MACROD2: variants seen among roughly 807,000 people sequenced by gnomAD.
MACROD2 encodes the protein mono-ADP ribosylhydrolase 2.
Under a neutral mutation model 70.4 loss-of-function variants are expected in MACROD2, and 36 were observed. The ratio of observed to expected loss-of-function variants is 0.51; its 90% CI spans 0.39 to 0.68. The LOEUF (loss-of-function observed/expected upper bound fraction) is 0.68. Ranked by LOEUF, MACROD2 falls within the 30% of genes least tolerant of loss-of-function variation. MACROD2 has a pLI of 0.00. For missense variants in MACROD2, 496 were observed against 538.4 expected, an observed-to-expected ratio of 0.92 and a Z score of 0.78; for synonymous variants, 172 against 178.8, an observed-to-expected ratio of 0.96 and a Z score of 0.30.
At chr20:15,492,020 C>T (rs1185324847) in intron 7 of MACROD2, among the ~76,000 whole-genome samples, 1 of 152,214 alleles carries the variant, frequency 6.6e-6, no homozygotes, top group Admixed American at 6.5e-5. Flanking sequence ...CTACTAGGTG[C>T]CCCTTTGTGC....
intron 6 of MACROD2, among the ~76,000 whole-genome samples, chr20:15,388,629 C>T (rs532964893): frequency 1.3e-5 from 2 of 152,052 alleles, no homozygotes; most frequent in Non-Finnish European, 2.9e-5. Flanking sequence ...AGATCAGCAA[C>T]CCTAATTACC....
chr20:14,164,101 G>A (rs2055230392), intron 3 of MACROD2, among the ~76,000 whole-genome samples: 1 of 152,044 alleles, frequency 6.6e-6, no homozygotes, highest in South Asian at 2.1e-4. Context: ...GCTTTATAGG[G>A]GAGAACTTTT....
chr20:14,877,650 TTTTTG>T (rs977377825), intron 5 of MACROD2, among the ~76,000 whole-genome samples: 1 of 152,040 alleles, frequency 6.6e-6, no homozygotes, highest in Non-Finnish European at 1.5e-5. Context: ...TCTTGAGGTT[TTTTTG>T]TTTTGTTTTG....
intron 6 of MACROD2, among the ~76,000 whole-genome samples, chr20:15,318,562 A>G (rs1256229757): frequency 1.3e-5 from 2 of 152,146 alleles, no homozygotes; most frequent in South Asian, 2.1e-4. Context: ...TTATAGATGA[A>G]GAAATCCTCA....
intron 6 of MACROD2, among the ~76,000 whole-genome samples, chr20:15,230,621 T>C (rs1272921583): frequency 6.6e-6 from 1 of 152,186 alleles, no homozygotes; most frequent in Admixed American, 6.5e-5. Flanking sequence ...ATTCTGTAGG[T>C]GGTAGCTGGG....
intron 5 of MACROD2, among the ~76,000 whole-genome samples, chr20:15,102,035 C>T (rs1012977747): frequency 4.6e-5 from 7 of 151,752 alleles, no homozygotes; most frequent in African/African-American, 1.7e-4. Flanking sequence ...AGGTAAAGCA[C>T]AAACAAAATA....
At chr20:15,817,271 A>G (rs1205238735) in intron 8 of MACROD2, among the ~76,000 whole-genome samples, 2 of 152,206 alleles carry the variant, frequency 1.3e-5, no homozygotes, top group Non-Finnish European at 1.5e-5. Flanking sequence ...TCATCCCAAT[A>G]ATAAGTGACA....
At chr20:14,708,836 T>G (rs2071302754) in intron 5 of MACROD2, among the ~76,000 whole-genome samples, 1 of 152,088 alleles carries the variant, frequency 6.6e-6, no homozygotes, top group Non-Finnish European at 1.5e-5. Flanking sequence ...GCCAGGCTGG[T>G]CTCGAACTCC....
At chr20:15,169,691 A>G (rs1296934198) in intron 5 of MACROD2, among the ~76,000 whole-genome samples, 1 of 152,198 alleles carries the variant, frequency 6.6e-6, no homozygotes, top group Non-Finnish European at 1.5e-5. Context: ...CTGTTCCAGT[A>G]TATCTGTCTT....
chr20:15,376,290 A>C (rs887607892), intron 6 of MACROD2, among the ~76,000 whole-genome samples: 1 of 152,198 alleles, frequency 6.6e-6, no homozygotes, highest in African/African-American at 2.4e-5. Context: ...TATAAATATC[A>C]GCAGTGCAAG....
At chr20:15,703,033 G>T (rs1600781574) in intron 8 of MACROD2, among the ~76,000 whole-genome samples, 1 of 152,170 alleles carries the variant, frequency 6.6e-6, no homozygotes, top group Non-Finnish European at 1.5e-5. Flanking sequence ...ACAAAAATTA[G>T]CAATGGGGAA....
chr20:14,442,632 T>C lies in MACROD2; in HGVS notation c.272-50847T>C, dbSNP rs1393529330. Among the ~76,000 whole-genome samples, 4 of 152,086 alleles carry C rather than the reference T, an allele frequency of 2.6e-5. 1 individual carries two copies. Among genetic ancestry groups the C allele is most frequent in the African/African-American group, 7.3e-5 (3 of 41,362 alleles). ...GCCAGCTGCCTTCACACTGGATTCT[T>C]GCTGGAACTTTCACTCCCCAATTCC... is the stretch of plus-strand genomic sequence containing the variant. On this transcript the variant is annotated intron_variant, in intron 3 of 17. Coordinates refer to ENST00000684519, the MANE Select transcript of MACROD2 (RefSeq NM_001351661.2).
chr20:15,509,898 A>C (rs140084707), intron 8 of MACROD2, among the ~76,000 whole-genome samples: 1 of 152,226 alleles, frequency 6.6e-6, no homozygotes, highest in East Asian at 1.9e-4. Flanking sequence ...CCATGTCTTC[A>C]TAGCACAATC....
intron 8 of MACROD2, among the ~76,000 whole-genome samples, chr20:15,663,633 C>A (rs987548072): frequency 2.0e-5 from 3 of 150,800 alleles, no homozygotes; most frequent in Non-Finnish European, 4.4e-5. Context: ...AAAAAAAAAA[C>A]CGTGTCTGGG....
chr20:15,824,713 CT>C (rs2063978047), intron 8 of MACROD2, among the ~76,000 whole-genome samples: 1 of 152,174 alleles, frequency 6.6e-6, no homozygotes, highest in Non-Finnish European at 1.5e-5. Context: ...TATTTCAGCT[CT>C]CCCCCACCCA....
chr20:15,314,928 G>T (rs2077792826), intron 6 of MACROD2, among the ~76,000 whole-genome samples: 1 of 152,216 alleles, frequency 6.6e-6, no homozygotes, highest in Non-Finnish European at 1.5e-5. Flanking sequence ...ATCAACTCAT[G>T]CTGATTGCTA....
At chr20:14,911,855 A>G (rs1186096774) in intron 5 of MACROD2, among the ~76,000 whole-genome samples, 1 of 152,100 alleles carries the variant, frequency 6.6e-6, no homozygotes, top group Non-Finnish European at 1.5e-5. Context: ...CATTTTACAG[A>G]TGGGGAAACT....
At chr20:14,672,104 C>T (rs2070802263) in intron 4 of MACROD2, among the ~76,000 whole-genome samples, 1 of 152,194 alleles carries the variant, frequency 6.6e-6, no homozygotes, top group African/African-American at 2.4e-5. Context: ...AAACCACTTC[C>T]AAAGTTTAGT....
chr20:15,985,927 C>T (rs940372740), intron 13 of MACROD2: 2 of 152,210 alleles, frequency 1.3e-5, no homozygotes, highest in Non-Finnish European at 2.9e-5. Context: ...AAAGATTTCA[C>T]ATGAAAGGGT....
Sources: gnomAD v4.1 joint callset for allele counts (sites outside exome capture counted in the v4.1 genomes callset) on GRCh38, gnomAD v4.1.1 for gene constraint, MANE v1.5 for transcripts, NCBI Gene and HGNC (gene_info 2026-07-23, HGNC 2026-07-21) for gene names.